Variants in FNDC3B observed in about 807,000 individuals in gnomAD.
FNDC3B encodes fibronectin type III domain-containing protein 3B.
Under a neutral mutation model 151.5 loss-of-function variants are expected in FNDC3B, and 12 were observed. That is an observed-to-expected ratio of 0.08 (90% CI 0.05 to 0.13). FNDC3B has a LOEUF of 0.13. FNDC3B is among the 10% of genes least tolerant of loss of function. The probability of loss-of-function intolerance (pLI) is 1.00; values close to 1 mark genes in which losing one functional copy is unlikely to be tolerated. For missense variants in FNDC3B, 1,214 were observed against 1,505.3 expected, an observed-to-expected ratio of 0.81 and a Z score of 3.20; for synonymous variants, 528 against 549.0, an observed-to-expected ratio of 0.96 and a Z score of 0.54.
chr3:172,325,720 C>T (rs981856484), intron 11 of FNDC3B, among the ~76,000 whole-genome samples: 2 of 152,250 alleles, frequency 1.3e-5, no homozygotes, highest in African/African-American at 4.8e-5. Flanking sequence ...TCACTGGAGC[C>T]AGTGGCCTTC....
At chr3:172,363,232 A>G (rs7639108) in intron 23 of FNDC3B, among the ~76,000 whole-genome samples, 28,669 of 152,138 alleles carry the variant, frequency 0.19, 3,381 homozygotes, top group East Asian at 0.58. Flanking sequence ...TTCAGTAACC[A>G]TCAGGACAAA....
chr3:172,080,274 T>C (rs1442035864), intron 1 of FNDC3B, among the ~76,000 whole-genome samples: 2 of 152,060 alleles, frequency 1.3e-5, no homozygotes, highest in Admixed American at 6.5e-5. Context: ...GAATTTTTTC[T>C]TTCTTTTTTT....
chr3:172,317,088 G>A, intron 11 of FNDC3B: 2 of 425,608 alleles, frequency 4.7e-6, no homozygotes, highest in Non-Finnish European at 9.2e-6. Flanking sequence ...CAATGCATTT[G>A]TGAGGATAGA....
intron 1 of FNDC3B, among the ~76,000 whole-genome samples, chr3:172,101,757 T>C (rs748652277): frequency 6.6e-6 from 1 of 152,240 alleles, no homozygotes; most frequent in Non-Finnish European, 1.5e-5. Flanking sequence ...AAAATCACCA[T>C]GGAAGACATA....
chr3:172,337,261 T>A (rs947725455), intron 15 of FNDC3B, 69 bp from the exon 16 acceptor site: 7 of 1,068,640 alleles, frequency 6.6e-6, no homozygotes, highest in Non-Finnish European at 1.0e-5. Flanking sequence ...ATTTTATGAG[T>A]CCTGATGATG....
At chr3:172,336,771 C>T (rs901018977) in intron 15 of FNDC3B, among the ~76,000 whole-genome samples, 1 of 151,792 alleles carries the variant, frequency 6.6e-6, no homozygotes, top group African/African-American at 2.4e-5. Flanking sequence ...GGCGTAGTGG[C>T]GGGCGCCTGT....
chr3:172,083,710 G>C (rs7622383), intron 1 of FNDC3B, among the ~76,000 whole-genome samples: 97,599 of 151,976 alleles, frequency 0.64, 31,488 homozygotes, highest in East Asian at 0.78. Flanking sequence ...AAGATGGGTA[G>C]AAAATATAAA....
intron 4 of FNDC3B, chr3:172,237,521 T>A (rs1054023968): frequency 6.6e-6 from 1 of 152,270 alleles, no homozygotes; most frequent in Non-Finnish European, 1.5e-5. Context: ...AAAACTCCTA[T>A]GCTGATCAGT....
intron 23 of FNDC3B, among the ~76,000 whole-genome samples, chr3:172,373,784 G>A (rs762461026): frequency 1.1e-4 from 16 of 152,188 alleles, no homozygotes; most frequent in African/African-American, 2.4e-4. Flanking sequence ...CACTGGCCCC[G>A]AAGAAGGAAG....
chr3:172,045,305 A>G (rs1716305655), intron 1 of FNDC3B, among the ~76,000 whole-genome samples: 1 of 152,206 alleles, frequency 6.6e-6, no homozygotes, highest in African/African-American at 2.4e-5. Context: ...TGACCTCTGC[A>G]AAGTTGTACT....
chr3:172,318,386 C>A (rs369843127), intron 11 of FNDC3B, among the ~76,000 whole-genome samples: 2 of 152,146 alleles, frequency 1.3e-5, no homozygotes, highest in African/African-American at 4.8e-5. Context: ...TCAGGAGGAG[C>A]CTTGTTTAGG....
At chr3:172,275,511 G>T (rs1729391358) in intron 6 of FNDC3B, among the ~76,000 whole-genome samples, 1 of 152,206 alleles carries the variant, frequency 6.6e-6, no homozygotes, top group Non-Finnish European at 1.5e-5. Context: ...TTGGCCTAGA[G>T]TAGGTAGGCT....
chr3:172,384,402 A>G (rs534761072), intron 25 of FNDC3B, among the ~76,000 whole-genome samples: 3 of 152,302 alleles, frequency 2.0e-5, no homozygotes, highest in African/African-American at 4.8e-5. Flanking sequence ...TCATTTTACC[A>G]GAAAGATATG....
intron 1 of FNDC3B, among the ~76,000 whole-genome samples, chr3:172,076,349 G>T (rs186953192): frequency 6.6e-6 from 1 of 152,348 alleles, no homozygotes; most frequent in East Asian, 1.9e-4. Context: ...TGCATTCAGA[G>T]AGTGTACATT....
At chr3:172,065,789 T>G (rs938169594) in intron 1 of FNDC3B, among the ~76,000 whole-genome samples, 2 of 152,262 alleles carry the variant, frequency 1.3e-5, no homozygotes, top group African/African-American at 4.8e-5. Context: ...AGAATTGGGC[T>G]TGTCATGTTT....
At chr3:172,143,682 G>A (rs566181629) in intron 3 of FNDC3B, among the ~76,000 whole-genome samples, 30 of 151,966 alleles carry the variant, frequency 2.0e-4, no homozygotes, top group Admixed American at 4.6e-4. Flanking sequence ...AGGCCGAGGC[G>A]GGCGGATCAT....
intron 4 of FNDC3B, among the ~76,000 whole-genome samples, chr3:172,239,123 T>C (rs974912318): frequency 3.9e-5 from 6 of 152,164 alleles, no homozygotes; most frequent in Non-Finnish European, 8.8e-5. Flanking sequence ...CTGAAAGTCT[T>C]CTGTGTGCCC....
chr3:172,247,459 G>A, intron 4 of FNDC3B, 74 bp from the exon 5 acceptor site: 2 of 1,448,544 alleles, frequency 1.4e-6, no homozygotes, highest in Non-Finnish European at 1.9e-6. Flanking sequence ...AATTAAAGTG[G>A]AAGTTATTAA....
At chr3:172,051,411 G>C (rs542850532) in intron 1 of FNDC3B, among the ~76,000 whole-genome samples, 1 of 152,210 alleles carries the variant, frequency 6.6e-6, no homozygotes, top group South Asian at 2.1e-4. Flanking sequence ...GATGATTTCT[G>C]ATTTAACTTG....
Sources: allele counts gnomAD v4.1 joint callset (sites outside exome capture counted in the v4.1 genomes callset), GRCh38; gene constraint gnomAD v4.1.1; transcripts MANE v1.5; gene names NCBI Gene and HGNC (gene_info 2026-07-23, HGNC 2026-07-21).